The following RERG variants were observed in gnomAD, a reference collection of about 807,000 sequenced individuals.
RERG encodes the protein ras-related and estrogen-regulated growth inhibitor.
A neutral mutation model predicts 23.2 loss-of-function variants in RERG; 25 were observed. That is an observed-to-expected ratio of 1.08 (90% confidence interval 0.79 to 1.50). The LOEUF (loss-of-function observed/expected upper bound fraction) is 1.50, where lower values mean the gene tolerates loss of function less well. Ranked by LOEUF, RERG falls within the 40% of genes most tolerant of loss-of-function variation. RERG has a pLI of 0.00. For synonymous variants in RERG, 81 were observed against 89.1 expected, an observed-to-expected ratio of 0.91 and a Z score of 0.51; for missense variants, 253 against 250.1, an observed-to-expected ratio of 1.01 and a Z score of -0.08.
In RERG at chr12:15,120,729, C is replaced by T. The variant is rs565573989; in HGVS notation, c.118+334G>A. On this transcript the variant is annotated intron_variant, in intron 3 of 4. Coordinates refer to ENST00000256953, the MANE Select transcript of RERG (RefSeq NM_032918.3). ...CTCTTCTCAGGATACCATTCTATTACGCACCAAATTTTCCATGTCCGTTTT... is the reference window on the plus strand; with the variant it reads ...CTCTTCTCAGGATACCATTCTATTATGCACCAAATTTTCCATGTCCGTTTT... Among the ~76,000 whole-genome samples the T allele has an allele frequency of 2.1e-4, 32 of 152,108 alleles. 1 individual carries two copies. In the South Asian group the frequency reaches 2.9e-3, roughly 14 times the overall value.
intron 3 of RERG, among the ~76,000 whole-genome samples, chr12:15,115,558 G>A (rs145844503): frequency 7.9e-4 from 120 of 152,130 alleles, no homozygotes; most frequent in African/African-American, 2.7e-3. Context: ...GAAACAGAGC[G>A]GTATGATTAA....
intron 2 of RERG, among the ~76,000 whole-genome samples, chr12:15,183,946 T>G (rs1864958239): frequency 6.6e-6 from 1 of 152,198 alleles, no homozygotes; most frequent in African/African-American, 2.4e-5. Context: ...ATATCTCTGT[T>G]TGCCTATCAA....
chr12:15,216,538 A>T (rs1015944568), intron 2 of RERG, among the ~76,000 whole-genome samples: 6 of 152,216 alleles, frequency 3.9e-5, no homozygotes, highest in African/African-American at 9.6e-5. Context: ...TTTATTTCCA[A>T]ACAGGTTTCC....
In RERG at chr12:15,217,575, C is replaced by A. The variant is rs1322330313; in HGVS notation, c.-86G>T. ...GTTCCAGTCTTTGGATTCACCATATCATTGTGAATCTTGGAAGAGTCCACA... is the reference window on the plus strand; with the variant it reads ...GTTCCAGTCTTTGGATTCACCATATAATTGTGAATCTTGGAAGAGTCCACA... On this transcript the variant is annotated 5_prime_UTR_variant, in exon 2 of 5. The change abolishes an upstream ATG in the 5' untranslated region. Coordinates refer to ENST00000256953, the MANE Select transcript of RERG (RefSeq NM_032918.3). 2 of 938,834 alleles carry A rather than the reference C, an allele frequency of 2.1e-6. No individual in the cohort carries two copies. The highest frequency in any genetic ancestry group is 3.5e-6 in the Non-Finnish European group (2 of 569,664). 58.2% of individuals were successfully genotyped at this position (938,834 alleles called of 1,614,324 possible).
At chr12:15,154,611 T>C (rs563475335) in intron 2 of RERG, among the ~76,000 whole-genome samples, 265 of 152,292 alleles carry the variant, frequency 1.7e-3, no homozygotes, top group African/African-American at 6.2e-3. Flanking sequence ...GCAGCAACCA[T>C]GGACATCCGC....
At chr12:15,192,912 G>A (rs1865091387) in intron 2 of RERG, among the ~76,000 whole-genome samples, 1 of 152,138 alleles carries the variant, frequency 6.6e-6, no homozygotes, top group South Asian at 2.1e-4. Context: ...CCTTCTCAGT[G>A]CATCATATAA....
At chr12:15,198,578 A>G (rs777311415) in intron 2 of RERG, among the ~76,000 whole-genome samples, 2 of 152,126 alleles carry the variant, frequency 1.3e-5, no homozygotes, top group African/African-American at 4.8e-5. Context: ...ATTTTTATGT[A>G]TAAGAATCCA....
intron 3 of RERG, among the ~76,000 whole-genome samples, chr12:15,112,872 T>C (rs1395487768): frequency 6.6e-6 from 1 of 152,070 alleles, no homozygotes; most frequent in Non-Finnish European, 1.5e-5. Context: ...AATGAAAGAT[T>C]TAAGATCAAA....
chr12:15,174,409 GA>G (rs1364093422), intron 2 of RERG, among the ~76,000 whole-genome samples: 1 of 151,738 alleles, frequency 6.6e-6, no homozygotes, highest in African/African-American at 2.4e-5. Context: ...TTTGTCTGTT[GA>G]AAATTTGACT....
At chr12:15,157,868 T>C (rs950540880) in intron 2 of RERG, among the ~76,000 whole-genome samples, 1 of 152,154 alleles carries the variant, frequency 6.6e-6, no homozygotes, top group South Asian at 2.1e-4. Context: ...TTTATCCAGA[T>C]CCACAAACTG....
At chr12:15,183,539 C>A (rs535152246) in intron 2 of RERG, among the ~76,000 whole-genome samples, 3 of 151,934 alleles carry the variant, frequency 2.0e-5, no homozygotes, top group African/African-American at 7.3e-5. Context: ...AGTATTCAAT[C>A]GAAGTTTCTA....
chr12:15,158,936 T>C (rs1338348700), intron 2 of RERG, among the ~76,000 whole-genome samples: 2 of 152,210 alleles, frequency 1.3e-5, no homozygotes, highest in Non-Finnish European at 2.9e-5. Flanking sequence ...TAATGAGCAA[T>C]TTGTGGAAGA....
At chr12:15,192,436 G>T (rs1865084639) in intron 2 of RERG, among the ~76,000 whole-genome samples, 1 of 151,964 alleles carries the variant, frequency 6.6e-6, no homozygotes, top group South Asian at 2.1e-4. Flanking sequence ...TTTTTTTACA[G>T]GGTTAAAATG....
At chr12:15,134,046 GCTTGT>G (rs1485758844) in intron 2 of RERG, among the ~76,000 whole-genome samples, 1 of 151,710 alleles carries the variant, frequency 6.6e-6, no homozygotes, top group East Asian at 1.9e-4. Context: ...CCAGTCTGTG[GCTTGT>G]CTTATGATTC....
intron 2 of RERG, among the ~76,000 whole-genome samples, chr12:15,166,776 C>CT (rs759874317): frequency 4.2e-4 from 60 of 142,618 alleles, no homozygotes; most frequent in East Asian, 8.2e-4. Flanking sequence ...GACTAGATCA[C>CT]TTTTTTTTTT....
intron 2 of RERG, among the ~76,000 whole-genome samples, chr12:15,161,226 G>GAAAGAAAGAAAGAAAGAAACAAAC: frequency 8.1e-6 from 1 of 123,570 alleles, no homozygotes; most frequent in South Asian, 2.6e-4. Context: ...AAGAAAGAAA[G>GAAAGAAAGAAAGAAAGAAACAAAC]AAACAGGGGC....
At chr12:15,113,064 C>T (rs1863651925) in intron 3 of RERG, among the ~76,000 whole-genome samples, 1 of 152,172 alleles carries the variant, frequency 6.6e-6, no homozygotes, top group Non-Finnish European at 1.5e-5. Context: ...AGACGTCCAT[C>T]AAAACAATAA....
intron 2 of RERG, among the ~76,000 whole-genome samples, chr12:15,155,766 C>T (rs376551689): frequency 1.3e-5 from 2 of 152,226 alleles, no homozygotes; most frequent in East Asian, 3.9e-4. Flanking sequence ...AGGGTATTCT[C>T]CACTAGGGCT....
intron 2 of RERG, among the ~76,000 whole-genome samples, chr12:15,161,066 C>T (rs1217028555): frequency 2.0e-5 from 3 of 151,454 alleles, no homozygotes; most frequent in Middle Eastern, 3.4e-3. Flanking sequence ...ACCCAGGAGG[C>T]GGAGGCTGCA....
Sources: gnomAD v4.1 joint callset for allele counts (sites outside exome capture counted in the v4.1 genomes callset) on GRCh38, gnomAD v4.1.1 for gene constraint, MANE v1.5 for transcripts, NCBI Gene and HGNC (gene_info 2026-07-23, HGNC 2026-07-21) for gene names.